TTC29: variants seen among roughly 807,000 people sequenced by gnomAD.
TTC29 encodes the protein tetratricopeptide repeat protein 29.
Under a neutral mutation model 58.1 loss-of-function variants are expected in TTC29, and 49 were observed. That is an observed-to-expected ratio of 0.84 (90% CI 0.67 to 1.07). The LOEUF (loss-of-function observed/expected upper bound fraction) is 1.07, where lower values mean the gene tolerates loss of function less well. TTC29 is among the 50% of genes least tolerant of loss of function. The pLI is 0.00. For missense variants in TTC29, 582 were observed against 555.6 expected (o/e 1.05, Z -0.48); for synonymous variants, 209 against 196.8 (o/e 1.06, Z -0.52).
intron 8 of TTC29, among the ~76,000 whole-genome samples, chr4:146,834,370 C>T (rs1485977137): frequency 2.0e-5 from 3 of 152,078 alleles, no homozygotes; most frequent in African/African-American, 2.4e-5. Flanking sequence ...CATAGCTCAC[C>T]GTTTGTGCAT....
chr4:146,863,138 A>G (rs1730353358), intron 8 of TTC29, among the ~76,000 whole-genome samples: 1 of 151,798 alleles, frequency 6.6e-6, no homozygotes, highest in African/African-American at 2.4e-5. Flanking sequence ...AAAAAAAAAA[A>G]GAATTAACTA....
At chr4:146,899,182 C>T (rs905723314) in intron 6 of TTC29, among the ~76,000 whole-genome samples, 1 of 152,166 alleles carries the variant, frequency 6.6e-6, no homozygotes, top group Non-Finnish European at 1.5e-5. Context: ...GCTGACCTGG[C>T]AGGATAGGAT....
intron 11 of TTC29, among the ~76,000 whole-genome samples, chr4:146,778,257 G>A (rs1317490197): frequency 2.0e-5 from 3 of 151,270 alleles, no homozygotes; most frequent in African/African-American, 4.9e-5. Flanking sequence ...ACTATTTAAG[G>A]TTATAAATTC....
chr4:146,876,934 C>CAAAAAA (rs776037799), intron 6 of TTC29, among the ~76,000 whole-genome samples: 8 of 59,178 alleles, frequency 1.4e-4, no homozygotes, highest in South Asian at 6.2e-4. Flanking sequence ...GACTCCATCT[C>CAAAAAA]AAAAAAAAAA....
chr4:146,938,597 G>A (rs6834377), intron 3 of TTC29, among the ~76,000 whole-genome samples: 72,253 of 151,876 alleles, frequency 0.48, 18,128 homozygotes, highest in African/African-American at 0.63. Flanking sequence ...ATATTATAGT[G>A]TACACACATG....
At chr4:146,824,771 A>G (rs1561162210) in intron 9 of TTC29, among the ~76,000 whole-genome samples, 1 of 152,098 alleles carries the variant, frequency 6.6e-6, no homozygotes, top group Non-Finnish European at 1.5e-5. Context: ...TACTGCCGCA[A>G]TTTCAGAGCT....
intron 11 of TTC29, among the ~76,000 whole-genome samples, chr4:146,735,809 T>A (rs1277078745): frequency 6.6e-6 from 1 of 152,192 alleles, no homozygotes; most frequent in Non-Finnish European, 1.5e-5. Context: ...AGAAGCCTTA[T>A]CAAATTTGCT....
intron 4 of TTC29, among the ~76,000 whole-genome samples, chr4:146,915,228 C>T (rs1019145534): frequency 2.0e-5 from 3 of 152,122 alleles, no homozygotes; most frequent in African/African-American, 7.2e-5. Context: ...ACATTGCCTC[C>T]TATTATATCA....
intron 4 of TTC29, among the ~76,000 whole-genome samples, chr4:146,921,058 T>G (rs1294868676): frequency 6.6e-6 from 1 of 151,476 alleles, no homozygotes; most frequent in Non-Finnish European, 1.5e-5. Flanking sequence ...GTAAGTCATG[T>G]AAATAAATCT....
At chr4:146,824,490 G>C (rs1727626647) in intron 9 of TTC29, among the ~76,000 whole-genome samples, 1 of 152,112 alleles carries the variant, frequency 6.6e-6, no homozygotes, top group Non-Finnish European at 1.5e-5. Context: ...ATGTGCTGCT[G>C]GAATCAGTCT....
intron 10 of TTC29, among the ~76,000 whole-genome samples, chr4:146,811,579 C>G (rs1751026939): frequency 6.6e-6 from 1 of 152,284 alleles, no homozygotes; most frequent in East Asian, 1.9e-4. Context: ...TGAACAGAAA[C>G]CCTTACATGG....
At chr4:146,768,977 A>G (rs1747524248) in intron 11 of TTC29, among the ~76,000 whole-genome samples, 1 of 151,958 alleles carries the variant, frequency 6.6e-6, no homozygotes, top group South Asian at 2.1e-4. Flanking sequence ...AAAACTGATA[A>G]TGAGCTAAAT....
intron 6 of TTC29, among the ~76,000 whole-genome samples, chr4:146,894,438 C>A (rs942879738): frequency 6.6e-6 from 1 of 150,960 alleles, no homozygotes. Context: ...GGACAAAAAA[C>A]CAAACACCAC....
At chr4:146,827,760 A>G (rs914070480) in intron 9 of TTC29, among the ~76,000 whole-genome samples, 1 of 152,220 alleles carries the variant, frequency 6.6e-6, no homozygotes, top group Non-Finnish European at 1.5e-5. Context: ...ATTATCTCTC[A>G]GTGAAATAAA....
At chr4:146,775,467 C>A (rs1014116678) in intron 11 of TTC29, among the ~76,000 whole-genome samples, 4 of 151,598 alleles carry the variant, frequency 2.6e-5, no homozygotes, top group African/African-American at 9.7e-5. Context: ...TTGGCATTTG[C>A]TTGTCTGAAA....
rs534885207 is a variant in TTC29, at chr4:146,933,843, C to G, written c.176+3751G>C. 2.6e-5 allele frequency among the ~76,000 whole-genome samples: 4 copies of G among 152,138 alleles called. No homozygotes were observed. In the South Asian group the frequency reaches 8.3e-4, roughly 32 times the overall value. ...CTACCATTCCCAAGTAAAATAAACC[C>G]CCATCACTTGGGTTTGGCCATTCCA... On this transcript the variant is annotated intron_variant, in intron 4 of 12. Transcript: ENST00000325106.
intron 11 of TTC29, among the ~76,000 whole-genome samples, chr4:146,736,847 T>C (rs964962006): frequency 6.6e-6 from 1 of 152,116 alleles, no homozygotes; most frequent in Non-Finnish European, 1.5e-5. Context: ...ACCTAGGGAA[T>C]GAAAGGAGGA....
At position 146,902,460 on chromosome 4, in the gene TTC29, A is replaced by T. The variant is rs752061255; in HGVS notation, c.586+1084T>A. ...AACTTAAAATAAAAGTTAAAAAAATAATTTAACTATTCGAAGAAACACTCC... is the reference window on the plus strand; with the variant it reads ...AACTTAAAATAAAAGTTAAAAAAATTATTTAACTATTCGAAGAAACACTCC... On this transcript the variant is annotated intron_variant, in intron 6 of 12. Coordinates refer to ENST00000325106, the MANE Select transcript of TTC29 (RefSeq NM_031956.4). Among the ~76,000 whole-genome samples, 102 of 152,306 alleles carry T rather than the reference A, an allele frequency of 6.7e-4. No individual in the cohort carries two copies. In the Middle Eastern group the frequency reaches 0.017, roughly 25 times the overall value.
At chr4:146,873,824 C>T (rs1229145982) in intron 7 of TTC29, among the ~76,000 whole-genome samples, 1 of 152,068 alleles carries the variant, frequency 6.6e-6, no homozygotes, top group African/African-American at 2.4e-5. Context: ...AAAATTACAC[C>T]CAGAAAATCA....
Sources: gnomAD v4.1 joint callset for allele counts (sites outside exome capture counted in the v4.1 genomes callset) on GRCh38, gnomAD v4.1.1 for gene constraint, MANE v1.5 for transcripts, NCBI Gene and HGNC (gene_info 2026-07-23, HGNC 2026-07-21) for gene names.